Variants in ROBO1 observed in about 807,000 individuals in gnomAD.
ROBO1 encodes the protein roundabout guidance receptor 1.
ROBO1 carries 149 observed loss-of-function variants against 195.9 expected under a neutral mutation model. The ratio of observed to expected loss-of-function variants is 0.76; its 90% CI spans 0.67 to 0.87. The LOEUF (loss-of-function observed/expected upper bound fraction) is 0.87, where lower values mean the gene tolerates loss of function less well. Among genes scored for constraint, ROBO1 ranks in the 40% least tolerant of loss-of-function variants. The pLI is 0.00. For missense variants in ROBO1, 1,933 were observed against 2,068.3 expected (o/e 0.93, Z 1.27); for synonymous variants, 816 against 733.2 (o/e 1.11, Z -1.82).
intron 2 of ROBO1, among the ~76,000 whole-genome samples, chr3:79,271,764 C>T (rs757613719): frequency 2.0e-5 from 3 of 151,844 alleles, no homozygotes; most frequent in South Asian, 4.2e-4. Context: ...TATAAGATTC[C>T]CAGAATCTAT....
At chr3:79,720,480 T>A (rs940896170) in intron 1 of ROBO1, among the ~76,000 whole-genome samples, 4 of 152,220 alleles carry the variant, frequency 2.6e-5, no homozygotes, top group African/African-American at 7.2e-5. Flanking sequence ...GCCACTCAGT[T>A]AAGTCCAGTC....
chr3:79,612,917 G>T (rs921071922), intron 1 of ROBO1, among the ~76,000 whole-genome samples: 17 of 1,354 alleles, frequency 0.013, no homozygotes, highest in Non-Finnish European at 0.028. Context: ...AATGATTGAA[G>T]TGATGCTATT....
chr3:79,389,492 AAATAGAAAATATT>A (rs2036871621), intron 2 of ROBO1, among the ~76,000 whole-genome samples: 1 of 152,138 alleles, frequency 6.6e-6, no homozygotes. Context: ...AGGAAAGAGG[AAATAGAAAATATT>A]AATCAACAAG....
chr3:78,742,532 C>G (rs561884974), intron 5 of ROBO1, among the ~76,000 whole-genome samples: 11 of 151,914 alleles, frequency 7.2e-5, no homozygotes, highest in Non-Finnish European at 1.2e-4. Flanking sequence ...GATTTTGAAC[C>G]CAAACTGCTG....
At chr3:79,706,200 G>A (rs1437357248) in intron 1 of ROBO1, among the ~76,000 whole-genome samples, 1 of 152,068 alleles carries the variant, frequency 6.6e-6, no homozygotes, top group African/African-American at 2.4e-5. Flanking sequence ...GAAAAGAAGT[G>A]GTGGGAATGG....
intron 1 of ROBO1, among the ~76,000 whole-genome samples, chr3:79,592,347 C>G (rs573671064): frequency 6.6e-6 from 1 of 151,806 alleles, no homozygotes; most frequent in Non-Finnish European, 1.5e-5. Flanking sequence ...TAAGGTATTA[C>G]GATTAATATT....
intron 2 of ROBO1, among the ~76,000 whole-genome samples, chr3:79,403,053 G>A (rs1212958110): frequency 2.0e-5 from 3 of 151,784 alleles, no homozygotes; most frequent in Admixed American, 6.6e-5. Context: ...CTGTCAAAGT[G>A]TCTTCAAATT....
chr3:78,955,722 T>C (rs2041016265), intron 3 of ROBO1, among the ~76,000 whole-genome samples: 1 of 152,190 alleles, frequency 6.6e-6, no homozygotes, highest in South Asian at 2.1e-4. Context: ...GTTACTAATG[T>C]CTGCAAGATA....
chr3:79,603,482 GATGTGAGTAT>G (rs1195068717), intron 1 of ROBO1, among the ~76,000 whole-genome samples: 1 of 151,956 alleles, frequency 6.6e-6, no homozygotes, highest in African/African-American at 2.4e-5. Flanking sequence ...TCTATCCTGA[GATGTGAGTAT>G]ATGTGAGTAA....
At chr3:78,963,113 C>T (rs2041469891) in intron 3 of ROBO1, among the ~76,000 whole-genome samples, 1 of 145,062 alleles carries the variant, frequency 6.9e-6, no homozygotes, top group Non-Finnish European at 1.5e-5. Flanking sequence ...ATATATATTA[C>T]CTTGCAATGC....
intron 3 of ROBO1, among the ~76,000 whole-genome samples, chr3:79,031,311 T>C (rs2078292428): frequency 6.6e-6 from 1 of 152,224 alleles, no homozygotes; most frequent in African/African-American, 2.4e-5. Context: ...TTATTGAATA[T>C]ATATGTGTAC....
chr3:78,912,227 T>G (rs952252787), intron 4 of ROBO1, among the ~76,000 whole-genome samples: 16 of 152,106 alleles, frequency 1.1e-4, no homozygotes, highest in Non-Finnish European at 7.4e-5. Context: ...CTGTTTATGC[T>G]GTGCCACGAG....
At chr3:78,745,500 C>A (rs76798817) in intron 5 of ROBO1, among the ~76,000 whole-genome samples, 11,375 of 152,070 alleles carry the variant, frequency 0.075, 879 homozygotes, top group African/African-American at 0.2. Flanking sequence ...AGTATTCTTA[C>A]CTTCATTGTA....
chr3:79,173,035 T>G (rs1179368406), intron 2 of ROBO1, among the ~76,000 whole-genome samples: 2 of 152,188 alleles, frequency 1.3e-5, no homozygotes, highest in Non-Finnish European at 2.9e-5. Flanking sequence ...GCTCTTTAAG[T>G]TGAGGTCTAG....
At chr3:78,657,495 A>G (rs1192734259) in intron 17 of ROBO1, among the ~76,000 whole-genome samples, 1 of 152,268 alleles carries the variant, frequency 6.6e-6, no homozygotes, top group Non-Finnish European at 1.5e-5. Flanking sequence ...TTTCTCATAT[A>G]CTTTTAAAAG....
At chr3:79,180,888 T>C (rs1350800545) in intron 2 of ROBO1, among the ~76,000 whole-genome samples, 1 of 152,078 alleles carries the variant, frequency 6.6e-6, no homozygotes, top group Admixed American at 6.6e-5. Flanking sequence ...GTGATTTCCA[T>C]TCAGAACGCA....
intron 8 of ROBO1, among the ~76,000 whole-genome samples, chr3:78,702,068 G>T (rs2081433793): frequency 6.6e-6 from 1 of 152,064 alleles, no homozygotes; most frequent in Admixed American, 6.6e-5. Flanking sequence ...AACTAAAAAA[G>T]AATTGCTTTG....
chr3:78,605,825 T>C (rs1334664285), intron 29 of ROBO1, among the ~76,000 whole-genome samples: 2 of 152,236 alleles, frequency 1.3e-5, no homozygotes, highest in Admixed American at 1.3e-4. Context: ...CTAGTCAACC[T>C]ATGAATAACT....
intron 4 of ROBO1, among the ~76,000 whole-genome samples, chr3:78,872,565 A>G (rs2107160804): frequency 6.6e-6 from 1 of 152,322 alleles, no homozygotes; most frequent in South Asian, 2.1e-4. Flanking sequence ...TTTTCCTAAC[A>G]ATCATTAACT....
Sources: allele counts gnomAD v4.1 joint callset (sites outside exome capture counted in the v4.1 genomes callset), GRCh38; gene constraint gnomAD v4.1.1; transcripts MANE v1.5; gene names NCBI Gene and HGNC (gene_info 2026-07-23, HGNC 2026-07-21).